The following NDRG3 variants were observed in gnomAD, a reference collection of about 807,000 sequenced individuals.
NDRG3 encodes the protein protein NDRG3.
A neutral mutation model predicts 57.2 loss-of-function variants in NDRG3; 23 were observed. The ratio of observed to expected loss-of-function variants is 0.40; its 90% confidence interval spans 0.29 to 0.57. The LOEUF (loss-of-function observed/expected upper bound fraction) is 0.57, where lower values mean the gene tolerates loss of function less well. Ranked by LOEUF, NDRG3 falls within the 20% of genes least tolerant of loss-of-function variation. The probability of loss-of-function intolerance (pLI) is 0.42; values close to 1 mark genes in which losing one functional copy is unlikely to be tolerated. For missense variants in NDRG3, 384 were observed against 457.3 expected, an observed-to-expected ratio of 0.84 and a Z score of 1.46; for synonymous variants, 132 against 162.6, an observed-to-expected ratio of 0.81 and a Z score of 1.43.
At chr20:36,714,186 CGAGACCAGCCTGCCAA>C (rs1345326644) in intron 2 of NDRG3, among the ~76,000 whole-genome samples, 1 of 151,716 alleles carries the variant, frequency 6.6e-6, no homozygotes, top group Non-Finnish European at 1.5e-5. Context: ...ATCAGGAGTT[CGAGACCAGCCTGCCAA>C]GAGACCAGCC....
At chr20:36,740,774 T>G (rs1985891527) in intron 1 of NDRG3, among the ~76,000 whole-genome samples, 1 of 152,258 alleles carries the variant, frequency 6.6e-6, no homozygotes, top group African/African-American at 2.4e-5. Flanking sequence ...CTACCCATTT[T>G]TGTATAACAT....
intron 1 of NDRG3, among the ~76,000 whole-genome samples, chr20:36,734,162 G>A (rs1475088262): frequency 2.6e-5 from 4 of 151,456 alleles, no homozygotes; most frequent in Non-Finnish European, 5.9e-5. Flanking sequence ...AGCTGAGATC[G>A]TGCCATTGCA....
At chr20:36,654,772 C>T (rs1431248344) in intron 15 of NDRG3, 10 of 779,296 alleles carry the variant, frequency 1.3e-5, no homozygotes, top group South Asian at 2.7e-5. Context: ...GACTGGAAGG[C>T]GGGGCAGGGC....
At chr20:36,709,585 G>C (rs1983750394) in intron 2 of NDRG3, among the ~76,000 whole-genome samples, 1 of 152,200 alleles carries the variant, frequency 6.6e-6, no homozygotes, top group African/African-American at 2.4e-5. Context: ...TGTTGCTATT[G>C]ATTAAAAGGA....
intron 8 of NDRG3, among the ~76,000 whole-genome samples, chr20:36,678,612 A>G (rs7261719): frequency 0.064 from 9,677 of 152,276 alleles, 1,073 homozygotes; most frequent in African/African-American, 0.22. Context: ...CCTGGGAGGC[A>G]GAGGTTGCAG....
At chr20:36,735,661 G>C (rs1985566458) in intron 1 of NDRG3, among the ~76,000 whole-genome samples, 1 of 151,980 alleles carries the variant, frequency 6.6e-6, no homozygotes, top group South Asian at 2.1e-4. Context: ...AAGGGAGGAG[G>C]GACATACAGG....
chr20:36,716,405 T>C (rs192636961), intron 2 of NDRG3, among the ~76,000 whole-genome samples: 178 of 151,402 alleles, frequency 1.2e-3, no homozygotes, highest in African/African-American at 4.0e-3. Flanking sequence ...TGGTGGCAGG[T>C]ACCTATAATC....
chr20:36,688,611 G>T, intron 4 of NDRG3, 68 bp downstream of exon 4: 2 of 1,154,482 alleles, frequency 1.7e-6, no homozygotes, highest in Non-Finnish European at 2.6e-6. Flanking sequence ...GAATATTGTT[G>T]TTGTTTGGTT....
rs1978313204 is a variant in NDRG3, at chr20:36,651,904, A to G, written c.*1616T>C. On this transcript the variant is annotated 3_prime_UTR_variant, in exon 16 of 16. Transcript: ENST00000349004. ...CCCTTCCCAAGATTTGGAACTGTGT[A>G]ACCCTGAGCTTACATCTCAATGCTC... 3 of 152,230 alleles carry G rather than the reference A, an allele frequency of 2.0e-5. No individual in the cohort carries two copies. The South Asian group carries it at 6.2e-4, about 31-fold the overall frequency. 9.4% of individuals were successfully genotyped at this position (152,230 alleles called of 1,614,324 possible).
intron 1 of NDRG3, among the ~76,000 whole-genome samples, chr20:36,727,375 AG>A (rs1165755501): frequency 4.0e-4 from 61 of 151,768 alleles, no homozygotes; most frequent in Non-Finnish European, 8.8e-5. Context: ...ATCTGCCACC[AG>A]GACCGGCTAA....
intron 3 of NDRG3, among the ~76,000 whole-genome samples, chr20:36,701,707 C>T (rs1306010949): frequency 1.3e-5 from 2 of 151,642 alleles, no homozygotes; most frequent in Non-Finnish European, 2.9e-5. Flanking sequence ...GCCACCATGC[C>T]TGGCTAATTT....
chr20:36,677,303 G>A (rs1408949751), intron 8 of NDRG3, among the ~76,000 whole-genome samples: 2 of 152,214 alleles, frequency 1.3e-5, no homozygotes, highest in East Asian at 3.9e-4. Flanking sequence ...GGCAGAAGGG[G>A]GCAGGGTTCC....
intron 2 of NDRG3, among the ~76,000 whole-genome samples, chr20:36,709,010 C>T (rs1983717380): frequency 6.6e-6 from 1 of 152,120 alleles, no homozygotes; most frequent in Non-Finnish European, 1.5e-5. Context: ...TGCACTCCAG[C>T]CTGGGCAACA....
chr20:36,700,545 T>C (rs757779065), intron 3 of NDRG3: 2 of 522,510 alleles, frequency 3.8e-6, no homozygotes, highest in East Asian at 5.5e-5. Flanking sequence ...GCTGATTCAG[T>C]TGTCAGGCCA....
intron 1 of NDRG3, among the ~76,000 whole-genome samples, chr20:36,724,013 A>G (rs555546195): frequency 6.6e-6 from 1 of 152,118 alleles, no homozygotes; most frequent in East Asian, 1.9e-4. Context: ...GGCCTAGTGT[A>G]CTATATTAAT....
chr20:36,730,410 T>C (rs1985211715), intron 1 of NDRG3, among the ~76,000 whole-genome samples: 1 of 151,814 alleles, frequency 6.6e-6, no homozygotes, highest in Non-Finnish European at 1.5e-5. Flanking sequence ...CATATACCAC[T>C]ATGCCTGGCT....
At position 36,665,055 on chromosome 20, in the gene NDRG3, A is replaced by G. The variant is rs200419472; in HGVS notation, c.801T>C (p.Val267=). 5.0e-5 allele frequency: 80 copies of G among 1,614,012 alleles called. No homozygotes were observed. The highest frequency in any genetic ancestry group is 6.8e-5 in the Non-Finnish European group (80 of 1,179,986). ...LLVVGDNSPA[V]EAVVECNSRL... ...ATGAGGACATACTTACCACAGCCTC[A>G]ACTGCAGGCGAATTGTCCCCTACCA... The change falls in exon 12 of 16, where the codon GTT becomes GTC. Residue 267 remains valine, a synonymous_variant. Transcript: ENST00000349004.
At chr20:36,661,291 C>T (rs760204597) in intron 12 of NDRG3, among the ~76,000 whole-genome samples, 4 of 152,172 alleles carry the variant, frequency 2.6e-5, no homozygotes, top group Admixed American at 6.5e-5. Flanking sequence ...TGTCTGATAT[C>T]GTGCACCCTT....
chr20:36,680,784 T>C, intron 8 of NDRG3, 32 bp downstream of exon 8: 1 of 1,584,944 alleles, frequency 6.3e-7, no homozygotes, highest in South Asian at 1.1e-5. Flanking sequence ...TGGGCCAAGA[T>C]AAGCCGATGG....
Sources: gnomAD v4.1 joint callset for allele counts (sites outside exome capture counted in the v4.1 genomes callset) on GRCh38, gnomAD v4.1.1 for gene constraint, MANE v1.5 for transcripts, NCBI Gene and HGNC (gene_info 2026-07-23, HGNC 2026-07-21) for gene names.